Variants in SAT1 observed in about 807,000 individuals in gnomAD.
The protein encoded by SAT1 is diamine acetyltransferase 1.
A neutral mutation model predicts 14.7 loss-of-function variants in SAT1; 1 was observed. That is an observed-to-expected ratio of 0.07 (90% CI 0.02 to 0.32). The LOEUF is 0.32. Ranked by LOEUF, SAT1 falls within the 10% of genes least tolerant of loss-of-function variation. SAT1 has a pLI of 1.00. For missense variants in SAT1, 77 were observed against 129.1 expected, an observed-to-expected ratio of 0.60 and a Z score of 1.96; for synonymous variants, 67 against 46.1, an observed-to-expected ratio of 1.45 and a Z score of -1.84.
intron 3 of SAT1, chrX:23,784,405 TA>T: frequency 1.6e-6 from 1 of 624,672 alleles, no homozygotes; most frequent in Non-Finnish European, 1.9e-6. Context: ...ATAAATGAGG[TA>T]AGGTCCTATT....
intron 3 of SAT1, among the ~76,000 whole-genome samples, chrX:23,784,567 C>T (rs1467422701): frequency 2.6e-5 from 1 of 37,836 alleles, no homozygotes; most frequent in Non-Finnish European, 6.1e-5. Context: ...GTGTCAGATG[C>T]CTTTTTTTTT....
chrX:23,785,480 T>G, intron 4 of SAT1, 40 bp from the exon 5 acceptor site: 2 of 1,182,069 alleles, frequency 1.7e-6, no homozygotes, highest in Non-Finnish European at 2.3e-6. Context: ...GAGTTATAAA[T>G]GCTTACAATG....
intron 3 of SAT1, 82 bp from the exon 4 acceptor site, chrX:23,785,246 T>C (rs1204989974): frequency 1.7e-5 from 12 of 712,098 alleles, no homozygotes; most frequent in Admixed American, 1.2e-4. Context: ...TTTTAAAACC[T>C]ATGATAGGCC....
intron 3 of SAT1, chrX:23,784,128 T>A: frequency 9.4e-7 from 1 of 1,060,568 alleles, no homozygotes; most frequent in South Asian, 2.6e-5. Flanking sequence ...CGGAAGTGTT[T>A]AAGCTGCTTA....
Sources: gnomAD v4.1 joint callset for allele counts (sites outside exome capture counted in the v4.1 genomes callset) on GRCh38, gnomAD v4.1.1 for gene constraint, MANE v1.5 for transcripts, NCBI Gene and HGNC (gene_info 2026-07-23, HGNC 2026-07-21) for gene names.